Variants in THBS1 observed in about 807,000 individuals in gnomAD.
THBS1 encodes thrombospondin-1.
A neutral mutation model predicts 126.1 loss-of-function variants in THBS1; 29 were observed. The ratio of observed to expected loss-of-function variants is 0.23; its 90% CI spans 0.17 to 0.31. THBS1 has a LOEUF of 0.31. Ranked by LOEUF, THBS1 falls within the 10% of genes least tolerant of loss-of-function variation. The pLI is 1.00. For synonymous variants in THBS1, 496 were observed against 577.8 expected (o/e 0.86, Z 2.03); for missense variants, 1,198 against 1,545.2 (o/e 0.78, Z 3.77).
intron 9 of THBS1, 96 bp downstream of exon 9, chr15:39,588,314 G>A (rs1595509492): frequency 6.9e-7 from 1 of 1,443,658 alleles, no homozygotes. Flanking sequence ...GGGTCATAGA[G>A]CAGGAAGGTT....
In THBS1 at chr15:39,589,524, G is replaced by A. The variant is rs558886501; in HGVS notation, c.1926+170G>A. On this transcript the variant is annotated intron_variant, in intron 12 of 21. Transcript: ENST00000260356. This position sits in a 1 kb window ranked among gnomAD's most constrained non-coding sequence, Gnocchi z 4.7. Reference sequence around the variant, plus strand: ...GATTAGAAAATCCATGGTAAATCCTGCAGGGGAAAAACAGTCTTCCATATT... The same window carrying A: ...GATTAGAAAATCCATGGTAAATCCTACAGGGGAAAAACAGTCTTCCATATT... Among the ~76,000 whole-genome samples the A allele has an allele frequency of 6.6e-6, 1 of 152,298 alleles. No homozygotes were observed. The highest frequency in any genetic ancestry group is 2.1e-4 in the South Asian group (1 of 4,826).
At position 39,594,484 on chromosome 15, in the gene THBS1, T is replaced by G; in HGVS notation, c.3505+44T>G. 1.2e-6 allele frequency: 2 copies of G among 1,603,374 alleles called. No individual in the cohort carries two copies. Among genetic ancestry groups the G allele is most frequent in the Non-Finnish European group, 1.7e-6 (2 of 1,175,492 alleles). The stretch of plus-strand genomic sequence containing the variant: ...TGAATGTACACTGGACATCTCTATT[T>G]CAGACTAATATCAAGGATGACGGTT... On this transcript the variant is annotated intron_variant, in intron 21 of 21. Coordinates refer to ENST00000260356, the MANE Select transcript of THBS1 (RefSeq NM_003246.4). The surrounding 1 kb of genome is among the most constrained non-coding windows in gnomAD (Gnocchi z 4.4).
At chr15:39,587,549 G>A (rs1194535417) in intron 8 of THBS1, 29 bp downstream of exon 8, 3 of 1,591,052 alleles carry the variant, frequency 1.9e-6, no homozygotes, top group Non-Finnish European at 2.6e-6. Context: ...CAGGGACGTG[G>A]AGAACTGACC....
rs1332787020 is a variant in THBS1 at position 39,597,673 on chromosome 15, A to G, written c.*2304A>G. 1.3e-5 allele frequency: 2 copies of G among 152,224 alleles called. No homozygotes were observed. The highest frequency in any genetic ancestry group is 2.9e-5 in the Non-Finnish European group (2 of 68,040). 9.4% of individuals were successfully genotyped at this position (152,224 alleles called of 1,614,324 possible). On this transcript the variant is annotated 3_prime_UTR_variant, in exon 22 of 22. Coordinates refer to ENST00000260356, the MANE Select transcript of THBS1 (RefSeq NM_003246.4). ...TGCGTTTGTGGAATAAAAGAACAAA[A>G]TGATACATTAGCCTGCCATATCAAA...
intron 3 of THBS1, among the ~76,000 whole-genome samples, chr15:39,583,103 A>G (rs904271717): frequency 4.6e-5 from 7 of 152,250 alleles, no homozygotes; most frequent in African/African-American, 7.2e-5. Context: ...GCTTATTTCA[A>G]ATGCATTCCC....
chr15:39,582,170 T>C, intron 2 of THBS1, 23 bp from the exon 3 acceptor site: 1 of 1,564,056 alleles, frequency 6.4e-7, no homozygotes, highest in Non-Finnish European at 8.7e-7. Context: ...AAAGCTCACT[T>C]TGTGTTCTCT....
chr15:39,590,064 A>C, intron 13 of THBS1, 41 bp downstream of exon 13: 1 of 1,479,044 alleles, frequency 6.8e-7, no homozygotes, highest in South Asian at 1.3e-5. Context: ...AAGAGGGCCC[A>C]TCACCTTATC....
intron 7 of THBS1, 23 bp downstream of exon 7, chr15:39,585,586 C>G (rs747834966): frequency 1.2e-6 from 2 of 1,608,426 alleles, no homozygotes; most frequent in Non-Finnish European, 1.7e-6. Flanking sequence ...AATGGCATAG[C>G]TATTCTTCAG....
chr15:39,587,780 C>T (rs1134485), intron 8 of THBS1, among the ~76,000 whole-genome samples: 37,923 of 152,122 alleles, frequency 0.25, 7,223 homozygotes, highest in African/African-American at 0.53. Context: ...GCAGTTAGCA[C>T]TGAGTTTTGG....
Position 39,587,404 on chromosome 15 carries a change from C to T in THBS1, c.1178C>T (p.Thr393Met), listed in dbSNP as rs982197700. Residue 393 changes from threonine (T) to methionine (M), a missense_variant, in exon 8 of 22, where the codon ACG becomes ATG. Thr to Met is a moderately conservative substitution (Grantham distance 81). Around this residue, in one of 4 missense-constraint regions of THBS1, gnomAD observed 663 missense variants for 860.1 expected, o/e 0.77. Coordinates refer to ENST00000260356, the MANE Select transcript of THBS1 (RefSeq NM_003246.4). ...TGGTCCGAGTGGACCTCCTGTTCTACGAGCTGTGGCAATGGAATTCAGCAG... is the reference window on the plus strand; with the variant it reads ...TGGTCCGAGTGGACCTCCTGTTCTATGAGCTGTGGCAATGGAATTCAGCAG... Reference protein sequence around the residue: ...SPWSEWTSCSTSCGNGIQQRG... With the variant: ...SPWSEWTSCSMSCGNGIQQRG... 18 of 1,613,962 alleles carry T rather than the reference C, an allele frequency of 1.1e-5. No individual in the cohort carries two copies. Among genetic ancestry groups the T allele is most frequent in the East Asian group, 2.2e-5 (1 of 44,882 alleles).
In THBS1 at chr15:39,589,767, C is replaced by G. The variant is rs371293870; in HGVS notation, c.1927-38C>G. On this transcript the variant is annotated intron_variant, in intron 12 of 21. Transcript: ENST00000260356. This position sits in a 1 kb window ranked among gnomAD's most constrained non-coding sequence, Gnocchi z 4.7. ...TGTTTCCATGATATCTGAGGATTCT[C>G]AAAAGCTCTGTGTAACAGCAGCATG... 5.2e-6 allele frequency: 8 copies of G among 1,542,060 alleles called. No individual in the cohort carries two copies. The African/African-American group carries it at 1.1e-4, about 21-fold the overall frequency.
intron 14 of THBS1, chr15:39,590,921 C>A: frequency 1.9e-6 from 1 of 537,656 alleles, no homozygotes; most frequent in Non-Finnish European, 3.3e-6. Context: ...ATCGAAATTA[C>A]AGTAAAATTG....
chr15:39,595,374 C>A lies in THBS1; in HGVS notation c.*5C>A. ...GTTTATTTAACAGATCCCTAATCAT[C>A]AAATTGTTGATTGAAAGACTGATCA... On this transcript the variant is annotated 3_prime_UTR_variant, in exon 22 of 22. Transcript: ENST00000260356. 1 of 1,487,982 alleles carries A rather than the reference C, an allele frequency of 6.7e-7. No individual in the cohort carries two copies. Among genetic ancestry groups the A allele is most frequent in the South Asian group, 1.5e-5 (1 of 67,764 alleles). The allele number at this position is 1,487,982 out of a possible 1,614,324, so 92.2% of individuals were successfully genotyped here.
rs1890269680 is a variant in THBS1, at chr15:39,588,996, G to A, written c.1683G>A (p.Lys561=). The change falls in exon 11 of 22, where the codon AAG becomes AAA. Residue 561 remains lysine, a synonymous_variant. Coordinates refer to ENST00000260356, the MANE Select transcript of THBS1 (RefSeq NM_003246.4). The part of the protein sequence containing the change: ...CLSNPCFAGV[K]CTSYPDGSWK... ...CCAATCCCTGCTTTGCCGGCGTGAAGTGTACTAGCTACCCTGATGGCAGCT... is the reference window on the plus strand; with the variant it reads ...CCAATCCCTGCTTTGCCGGCGTGAAATGTACTAGCTACCCTGATGGCAGCT... 3 of 1,614,196 alleles carry A rather than the reference G, an allele frequency of 1.9e-6. No homozygotes were observed. Among genetic ancestry groups the A allele is most frequent in the East Asian group, 2.2e-5 (1 of 44,880 alleles).
At position 39,592,437 on chromosome 15, in the gene THBS1, G is replaced by A; in HGVS notation, c.2533-131G>A. On this transcript the variant is annotated intron_variant, in intron 16 of 21. Coordinates refer to ENST00000260356, the MANE Select transcript of THBS1 (RefSeq NM_003246.4). The surrounding 1 kb of genome is among the most constrained non-coding windows in gnomAD (Gnocchi z 4.3). ...ACTATTGCTATCTTTCTGCAGGAGT[G>A]TGTAAATAGACATGACACCCCACTG... 2 of 672,462 alleles carry A rather than the reference G, an allele frequency of 3.0e-6. No homozygotes were observed. Among genetic ancestry groups the A allele is most frequent in the South Asian group, 2.0e-5 (1 of 50,010 alleles). 41.7% of individuals were successfully genotyped at this position (672,462 alleles called of 1,614,324 possible).
rs201956915 is a variant in THBS1, at chr15:39,584,070, G to A, written c.786G>A (p.Lys262=). The change falls in exon 5 of 22, where the codon AAG becomes AAA. Residue 262 remains lysine, a synonymous_variant. Transcript: ENST00000260356. ...PAIRTNYIGH[K]TKDLQAICGI... Reference sequence around the variant, plus strand: ...TCCGCACTAACTACATTGGCCACAAGACAAAGGACTTGCAAGCCATCTGCG... The same window carrying A: ...TCCGCACTAACTACATTGGCCACAAAACAAAGGACTTGCAAGCCATCTGCG... The A allele has an allele frequency of 6.2e-7, 1 of 1,614,218 alleles. No individual in the cohort carries two copies. The highest frequency in any genetic ancestry group is 2.2e-5 in the East Asian group (1 of 44,886).
chr15:39,587,846 C>T (rs569674373), intron 8 of THBS1, among the ~76,000 whole-genome samples, 196 bp from the exon 9 acceptor site: 4 of 152,342 alleles, frequency 2.6e-5, no homozygotes, highest in South Asian at 2.1e-4. Flanking sequence ...ATAAAAACAG[C>T]GAACTTATCC....
Position 39,589,817 on chromosome 15 carries a change from C to G in THBS1, c.1939C>G (p.Arg647Gly), listed in dbSNP as rs143907582. 1 of 1,611,414 alleles carries G rather than the reference C, an allele frequency of 6.2e-7. No individual in the cohort carries two copies. Reference protein sequence around the residue: ...ATANKQVCKPRNPCTDGTHDC... With the variant: ...ATANKQVCKPGNPCTDGTHDC... ...GGTGTACCCTCAGGTGTGCAAGCCC[C>G]GTAACCCCTGCACGGATGGGACCCA... The change falls in exon 13 of 22, where the codon CGT becomes GGT. Residue 647 changes from arginine (R) to glycine (G), a missense_variant. By Grantham distance (125) the Arg-to-Gly change is moderately radical (BLOSUM62 -2). Coordinates refer to ENST00000260356, the MANE Select transcript of THBS1 (RefSeq NM_003246.4). The surrounding 1 kb of genome is among the most constrained non-coding windows in gnomAD (Gnocchi z 4.7).
intron 6 of THBS1, 121 bp downstream of exon 6, chr15:39,584,543 G>A: frequency 1.7e-6 from 2 of 1,196,468 alleles, no homozygotes; most frequent in East Asian, 2.6e-5. Flanking sequence ...ATAACAAAGT[G>A]TTTTTTTTTT....
Sources: allele counts gnomAD v4.1 joint callset (sites outside exome capture counted in the v4.1 genomes callset), GRCh38; gene constraint gnomAD v4.1.1; regional missense constraint gnomAD v4.1.1; non-coding constraint Gnocchi (gnomAD v3.1); transcripts MANE v1.5; gene names NCBI Gene and HGNC (gene_info 2026-07-23, HGNC 2026-07-21).